The following SLC6A16 variants were observed in gnomAD, a reference collection of about 807,000 sequenced individuals.
The protein encoded by SLC6A16 is solute carrier family 6 member 16.
SLC6A16 carries 54 observed loss-of-function variants against 65.4 expected under a neutral mutation model. That is an observed-to-expected ratio of 0.83 (90% confidence interval 0.66 to 1.04). SLC6A16 has a LOEUF of 1.04. Among genes scored for constraint, SLC6A16 ranks in the 50% least tolerant of loss-of-function variants. The pLI, the probability that SLC6A16 is intolerant of heterozygous loss-of-function variation, is 0.00. For missense variants in SLC6A16, 816 were observed against 914.0 expected (o/e 0.89, Z 1.38); for synonymous variants, 330 against 346.5 (o/e 0.95, Z 0.53).
At chr19:49,317,492 C>T (rs1452965148) in intron 1 of SLC6A16, among the ~76,000 whole-genome samples, 1 of 151,982 alleles carries the variant, frequency 6.6e-6, no homozygotes, top group Non-Finnish European at 1.5e-5. Context: ...TCTGGAGTTA[C>T]CTCCACAAAA....
At chr19:49,299,447 A>G (rs1970243910) in intron 7 of SLC6A16, among the ~76,000 whole-genome samples, 4 of 149,110 alleles carry the variant, frequency 2.7e-5, no homozygotes, top group Non-Finnish European at 3.0e-5. Context: ...CCAGCTACTC[A>G]GGAGGCTGAG....
At chr19:49,338,740 A>T in the SLC6A16 span, 2 of 1,613,048 alleles carry the variant, frequency 1.2e-6, no homozygotes, top group South Asian at 2.2e-5. The surrounding 1 kb of genome is among the most constrained non-coding windows in gnomAD (Gnocchi z 5.0). Flanking sequence ...GACTGGTTCC[A>T]AGTCCTCATC....
At chr19:49,309,210 CA>C in intron 6 of SLC6A16, 90 bp downstream of exon 6, 3 of 1,587,612 alleles carry the variant, frequency 1.9e-6, no homozygotes, top group Non-Finnish European at 2.6e-6. Flanking sequence ...GAGGGAGATA[CA>C]AAAGTAAAGA....
chr19:49,337,368 G>T, the SLC6A16 span: 1 of 820,012 alleles, frequency 1.2e-6, no homozygotes, highest in South Asian at 1.6e-5. Context: ...GGTGGCTCAC[G>T]CCTGTAATCC....
chr19:49,320,226 T>G (rs928801260), intron 1 of SLC6A16, among the ~76,000 whole-genome samples: 1 of 152,118 alleles, frequency 6.6e-6, no homozygotes, highest in Non-Finnish European at 1.5e-5. Flanking sequence ...TTGACCTACA[T>G]AGTGAAACCC....
chr19:49,306,534 GTTTT>G (rs554621023), intron 7 of SLC6A16, among the ~76,000 whole-genome samples: 1 of 133,426 alleles, frequency 7.5e-6, no homozygotes, highest in Non-Finnish European at 1.6e-5. Flanking sequence ...TTAGTTCTTT[GTTTT>G]TTTTTTTTCT....
the SLC6A16 span, chr19:49,331,632 C>T: frequency 3.6e-5 from 14 of 386,028 alleles, no homozygotes; most frequent in Non-Finnish European, 5.8e-5. Context: ...GTCCAAAATG[C>T]TTTATGTAAG....
At chr19:49,340,228 G>T in the SLC6A16 span, 2 of 1,603,628 alleles carry the variant, frequency 1.2e-6, no homozygotes, top group South Asian at 2.2e-5. Context: ...CGACTTCTCT[G>T]ACCTCATCTC....
At chr19:49,323,133 A>T (rs1178221576) in intron 1 of SLC6A16, among the ~76,000 whole-genome samples, 2 of 152,134 alleles carry the variant, frequency 1.3e-5, no homozygotes, top group African/African-American at 2.4e-5. Context: ...CAGTCTTTTC[A>T]ACAAATGGTG....
the SLC6A16 span, chr19:49,338,861 G>A: frequency 1.9e-6 from 3 of 1,614,002 alleles, no homozygotes; most frequent in Non-Finnish European, 2.5e-6. The surrounding 1 kb of genome is among the most constrained non-coding windows in gnomAD (Gnocchi z 5.0). Flanking sequence ...AGCTCAGCAG[G>A]CTTGGACACC....
chr19:49,327,530 G>A (rs150188381), upstream of SLC6A16, among the ~76,000 whole-genome samples: 199 of 152,308 alleles, frequency 1.3e-3, 1 homozygote, highest in African/African-American at 4.7e-3. Context: ...GGCAAACTGT[G>A]TGTTCAAGGC....
intron 1 of SLC6A16, among the ~76,000 whole-genome samples, chr19:49,314,133 T>C (rs1970577767): frequency 6.6e-6 from 1 of 150,964 alleles, no homozygotes; most frequent in African/African-American, 2.4e-5. Flanking sequence ...ATAATCATAA[T>C]CAAGAAAAAA....
chr19:49,290,443 A>G lies in SLC6A16; in HGVS notation c.1942-51T>C, dbSNP rs555605640. 4.1e-4 allele frequency: 649 copies of G among 1,588,236 alleles called. 10 individuals are homozygous for G. The South Asian group carries it at 7.2e-3, about 18-fold the overall frequency. ...AGAATATCAAAATCCCCAAGAGAAA[A>G]GGAAGAGTTGTGGAGGGGAAGGATG... On this transcript the variant is annotated intron_variant, in intron 11 of 11. Transcript: ENST00000335875.
At chr19:49,301,009 C>T (rs1970280670) in intron 7 of SLC6A16, among the ~76,000 whole-genome samples, 1 of 152,058 alleles carries the variant, frequency 6.6e-6, no homozygotes, top group Admixed American at 6.6e-5. Context: ...CGAGATCAGG[C>T]CACTGCACTC....
At chr19:49,327,652 A>C (rs1970812213), upstream of SLC6A16, among the ~76,000 whole-genome samples, 1 of 152,216 alleles carries the variant, frequency 6.6e-6, no homozygotes, top group Admixed American at 6.5e-5. Flanking sequence ...AGTTGCACAA[A>C]GAAAGTAAAT....
At chr19:49,307,083 C>T (rs1390461764) in intron 7 of SLC6A16, among the ~76,000 whole-genome samples, 1 of 66,008 alleles carries the variant, frequency 1.5e-5, no homozygotes, top group African/African-American at 6.4e-5. Context: ...GGAAGGGTCT[C>T]GCCCAGCTGA....
Position 49,289,933 on chromosome 19 carries a change from T to G in SLC6A16, c.*190A>C. On this transcript the variant is annotated 3_prime_UTR_variant, in exon 12 of 12. Coordinates refer to ENST00000335875, the MANE Select transcript of SLC6A16 (RefSeq NM_014037.3). Reference sequence around the variant, plus strand: ...AGGATGGGGAAAACAATGATGGTGGTCACCAGGTAAGATGGGACCCAGGAA... The same window carrying G: ...AGGATGGGGAAAACAATGATGGTGGGCACCAGGTAAGATGGGACCCAGGAA... 1 of 601,292 alleles carries G rather than the reference T, an allele frequency of 1.7e-6. No homozygotes were observed. Among genetic ancestry groups the G allele is most frequent in the Non-Finnish European group, 2.9e-6 (1 of 341,026 alleles). The allele number at this position is 601,292 out of a possible 1,614,324, so 37.2% of individuals were successfully genotyped here.
rs767394347 is a variant in SLC6A16 at position 49,310,884 on chromosome 19, T to C, written c.415+49A>G. 2.7e-5 allele frequency: 36 copies of C among 1,342,896 alleles called. No individual in the cohort carries two copies. The East Asian group carries it at 7.6e-4, about 28-fold the overall frequency. The allele number at this position is 1,342,896 out of a possible 1,614,324, so 83.2% of individuals were successfully genotyped here. ...CATGGTTAAAGCCTGGACAGGACTC[T>C]GTCCTGATTGCCCCTTGTGGACCCA... On this transcript the variant is annotated intron_variant, in intron 2 of 11. Coordinates refer to ENST00000335875, the MANE Select transcript of SLC6A16 (RefSeq NM_014037.3).
At chr19:49,311,653 A>T (rs550024819) in intron 1 of SLC6A16, among the ~76,000 whole-genome samples, 1 of 152,090 alleles carries the variant, frequency 6.6e-6, no homozygotes, top group South Asian at 2.1e-4. Context: ...GTTCGAGACC[A>T]GCCCGGCCAA....
Sources: gnomAD v4.1 joint callset for allele counts (sites outside exome capture counted in the v4.1 genomes callset) on GRCh38, gnomAD v4.1.1 for gene constraint, Gnocchi (gnomAD v3.1) non-coding constraint, MANE v1.5 for transcripts, NCBI Gene and HGNC (gene_info 2026-07-23, HGNC 2026-07-21) for gene names.